The following FYB2 variants were observed in gnomAD, a reference collection of about 807,000 sequenced individuals.
FYB2 encodes FYN-binding protein 2.
FYB2 carries 103 observed loss-of-function variants against 94.1 expected under a neutral mutation model. The ratio of observed to expected loss-of-function variants is 1.09; its 90% CI spans 0.93 to 1.29. The LOEUF is 1.29. Among genes scored for constraint, FYB2 ranks in the 50% most tolerant of loss-of-function variants. The pLI, the probability that FYB2 is intolerant of heterozygous loss-of-function variation, is 0.00. For synonymous variants in FYB2, 293 were observed against 287.9 expected (o/e 1.02, Z -0.18); for missense variants, 896 against 841.5 (o/e 1.06, Z -0.80).
At chr1:56,738,045 A>G (rs1644868955) in intron 14 of FYB2, among the ~76,000 whole-genome samples, 2 of 152,128 alleles carry the variant, frequency 1.3e-5, no homozygotes. Flanking sequence ...AACAAACAAC[A>G]GAACACATGA....
upstream of FYB2, among the ~76,000 whole-genome samples, chr1:56,822,305 G>T (rs953938018): frequency 6.6e-6 from 1 of 152,206 alleles, no homozygotes; most frequent in Non-Finnish European, 1.5e-5. Context: ...TGCTCTGTTT[G>T]CTTCTATTTA....
intron 1 of FYB2, among the ~76,000 whole-genome samples, chr1:56,805,646 T>A (rs1646628032): frequency 6.6e-6 from 1 of 152,116 alleles, no homozygotes; most frequent in African/African-American, 2.4e-5. Flanking sequence ...CACCAAAATC[T>A]CATCTTGAAT....
At chr1:56,790,333 G>T (rs546638741) in intron 2 of FYB2, among the ~76,000 whole-genome samples, 26 of 152,290 alleles carry the variant, frequency 1.7e-4, no homozygotes, top group African/African-American at 6.3e-4. Flanking sequence ...TCTTAGGCTT[G>T]AATTACAAGT....
At chr1:56,821,369 G>T (rs1407969570), upstream of FYB2, among the ~76,000 whole-genome samples, 1 of 148,382 alleles carries the variant, frequency 6.7e-6, no homozygotes, top group African/African-American at 2.4e-5. Flanking sequence ...ATTGGTAGCT[G>T]TTAGGGGTGG....
At chr1:56,774,070 C>T (rs1645821105) in intron 4 of FYB2, among the ~76,000 whole-genome samples, 1 of 152,080 alleles carries the variant, frequency 6.6e-6, no homozygotes, top group Non-Finnish European at 1.5e-5. Context: ...TCTCAAAATT[C>T]ATTTGTGCCA....
chr1:56,755,782 C>G, intron 7 of FYB2, 114 bp downstream of exon 7: 1 of 1,058,790 alleles, frequency 9.4e-7, no homozygotes, highest in Non-Finnish European at 1.4e-6. Flanking sequence ...GCCGGGGAAA[C>G]TGAACCAGGC....
chr1:56,783,319 C>A (rs1006832498), intron 4 of FYB2, among the ~76,000 whole-genome samples: 2 of 152,130 alleles, frequency 1.3e-5, no homozygotes, highest in Admixed American at 6.6e-5. Context: ...AAATCTATGC[C>A]AATGTGACTT....
intron 1 of FYB2, among the ~76,000 whole-genome samples, chr1:56,813,862 A>T (rs962932905): frequency 6.6e-6 from 1 of 152,244 alleles, no homozygotes; most frequent in African/African-American, 2.4e-5. Context: ...AAATTAATTA[A>T]CTTGCTCAAC....
chr1:56,740,937 G>A, intron 12 of FYB2, 142 bp from the exon 13 acceptor site: 1 of 492,712 alleles, frequency 2.0e-6, no homozygotes, highest in East Asian at 3.6e-5. Flanking sequence ...TCATAAAGAT[G>A]GAAATAACCG....
chr1:56,751,147 A>C lies in FYB2; in HGVS notation c.1284T>G (p.Gly428=), dbSNP rs1302346389. 1.4e-5 allele frequency: 22 copies of C among 1,612,640 alleles called. No homozygotes were observed. Among genetic ancestry groups the C allele is most frequent in the Non-Finnish European group, 1.8e-5 (21 of 1,179,184 alleles). ...EKIQMTNVHT[G]RRNMLAGKQE... is the part of the protein sequence containing the mutation. ...GCTTTCCAGCCAACATGTTCCTTCT[A>C]CCTGTGTGGACGTTGGTCATCTGAA... The change falls in exon 9 of 20, where the codon GGT becomes GGG. Residue 428 remains glycine (G), a synonymous_variant. Transcript: ENST00000343433.
chr1:56,734,971 C>A (rs59551327), intron 15 of FYB2, among the ~76,000 whole-genome samples: 1 of 151,790 alleles, frequency 6.6e-6, no homozygotes, highest in Non-Finnish European at 1.5e-5. Flanking sequence ...CACATGCTAG[C>A]AAGGATGTGG....
In FYB2 at chr1:56,740,811, G is replaced by A; in HGVS notation, c.1605-16C>T. ...TCCATCTAAACTGAGAGGAATCACAGGATATAAGTAACATGGCATTTAAGA... is the reference window on the plus strand; with the variant it reads ...TCCATCTAAACTGAGAGGAATCACAAGATATAAGTAACATGGCATTTAAGA... On this transcript the variant is annotated splice_polypyrimidine_tract_variant and intron_variant, in intron 12 of 19. Coordinates refer to ENST00000343433, the MANE Select transcript of FYB2 (RefSeq NM_001004303.5). 1 of 1,524,116 alleles carries A rather than the reference G, an allele frequency of 6.6e-7. No homozygotes were observed. The allele number at this position is 1,524,116 out of a possible 1,614,324, so 94.4% of individuals were successfully genotyped here. A position where few individuals can be genotyped will look rare whatever the true frequency, so the allele number is the denominator to read the frequency against.
At chr1:56,734,852 T>G (rs1294038276) in intron 15 of FYB2, among the ~76,000 whole-genome samples, 1 of 151,846 alleles carries the variant, frequency 6.6e-6, no homozygotes, top group Non-Finnish European at 1.5e-5. Flanking sequence ...TAAACATATT[T>G]TAAAATGTTC....
chr1:56,820,482 G>A (rs1177624373), upstream of FYB2, among the ~76,000 whole-genome samples: 5 of 152,302 alleles, frequency 3.3e-5, no homozygotes, highest in Admixed American at 2.0e-4. Context: ...GGTGGCCTGC[G>A]CCCTGCTTTA....
chr1:56,739,698 T>C (rs1479834841), intron 13 of FYB2, among the ~76,000 whole-genome samples: 1 of 152,106 alleles, frequency 6.6e-6, no homozygotes. Flanking sequence ...TCAAGTATCC[T>C]TAAGACCATT....
At chr1:56,742,306 C>G in intron 11 of FYB2, 85 bp from the exon 12 acceptor site, 1 of 967,124 alleles carries the variant, frequency 1.0e-6, no homozygotes, top group Non-Finnish European at 1.5e-6. Flanking sequence ...TAGATACTTA[C>G]TAGATGCTAG....
chr1:56,820,231 A>T (rs1045493547), upstream of FYB2, among the ~76,000 whole-genome samples: 7 of 151,912 alleles, frequency 4.6e-5, no homozygotes, highest in African/African-American at 1.2e-4. Flanking sequence ...CGTCTCAAAA[A>T]AAAAAAAAAA....
chr1:56,819,179 C>T, intron 1 of FYB2, 103 bp downstream of exon 1: 1 of 1,333,502 alleles, frequency 7.5e-7, no homozygotes, highest in Non-Finnish European at 1.0e-6. Flanking sequence ...GCCCAGGAGG[C>T]AGCACACACA....
intron 4 of FYB2, among the ~76,000 whole-genome samples, chr1:56,768,522 G>A (rs1208048297): frequency 6.6e-6 from 1 of 152,158 alleles, no homozygotes; most frequent in Non-Finnish European, 1.5e-5. Context: ...TCAGAAACTT[G>A]AAAACCCAGC....
Sources: allele counts gnomAD v4.1 joint callset (sites outside exome capture counted in the v4.1 genomes callset), GRCh38; gene constraint gnomAD v4.1.1; transcripts MANE v1.5; gene names NCBI Gene and HGNC (gene_info 2026-07-23, HGNC 2026-07-21).